The following PURG variants were observed in gnomAD, a reference collection of about 807,000 sequenced individuals.
PURG encodes purine-rich element-binding protein gamma.
PURG carries 3 observed loss-of-function variants against 24.3 expected under a neutral mutation model. The ratio of observed to expected loss-of-function variants is 0.12; its 90% CI spans 0.06 to 0.32. PURG has a LOEUF of 0.32. PURG is among the 10% of genes least tolerant of loss of function. The pLI is 1.00. For synonymous variants in PURG, 180 were observed against 173.1 expected (o/e 1.04, Z -0.31); for missense variants, 371 against 439.1 (o/e 0.84, Z 1.39).
downstream of PURG, among the ~76,000 whole-genome samples, chr8:31,027,187 C>T (rs1389730702): frequency 1.3e-5 from 2 of 151,602 alleles, no homozygotes; most frequent in African/African-American, 4.8e-5. Flanking sequence ...CCTTTTCAGG[C>T]CGTGATAAAT....
At chr8:31,026,657 T>TAC (rs930250525), downstream of PURG, among the ~76,000 whole-genome samples, 68 of 126,206 alleles carry the variant, frequency 5.4e-4, no homozygotes, top group East Asian at 7.1e-3. Flanking sequence ...TATATATATA[T>TAC]ATATACATAC....
chr8:31,018,687 A>G (rs1233442252), intron 1 of PURG, among the ~76,000 whole-genome samples: 1 of 152,180 alleles, frequency 6.6e-6, no homozygotes, highest in Non-Finnish European at 1.5e-5. Context: ...TTAGGAACTC[A>G]TTCAGTGTTC....
chr8:30,999,489 G>A (rs1325133398), intron 1 of PURG, among the ~76,000 whole-genome samples: 1 of 151,786 alleles, frequency 6.6e-6, no homozygotes, highest in East Asian at 1.9e-4. Context: ...AACATTTTGT[G>A]TAATTAGAAA....
chr8:31,030,399 C>A (rs1811170671), downstream of PURG, among the ~76,000 whole-genome samples: 1 of 151,900 alleles, frequency 6.6e-6, no homozygotes, highest in Non-Finnish European at 1.5e-5. Context: ...TAATTTCAGT[C>A]AATTAATACA....
In PURG at chr8:31,032,150, A is replaced by G; in HGVS notation, c.633T>C (p.Tyr211=). 1.2e-6 allele frequency: 2 copies of G among 1,614,216 alleles called. No homozygotes were observed. Among genetic ancestry groups the G allele is most frequent in the Non-Finnish European group, 1.7e-6 (2 of 1,180,032 alleles). Residue 211 remains tyrosine (Y), a synonymous_variant, in exon 2 of 2, where the codon TAT becomes TAC. Transcript: ENST00000523392. The surrounding 1 kb of genome is among the most constrained non-coding windows in gnomAD (Gnocchi z 5.9). ...TMMRGTGMIG[Y]FGHSLGQEQT... ...GTTCTTGGCCCAAACTGTGGCCAAAATAACCTATCATGCCAGTCCCCCGCA... is the reference window on the plus strand; with the variant it reads ...GTTCTTGGCCCAAACTGTGGCCAAAGTAACCTATCATGCCAGTCCCCCGCA...
intron 1 of PURG, among the ~76,000 whole-genome samples, chr8:30,999,908 T>G (rs1050477888): frequency 4.6e-5 from 7 of 152,054 alleles, no homozygotes; most frequent in African/African-American, 1.7e-4. Flanking sequence ...ATCGTGACGG[T>G]TTGTTTAGGC....
intron 1 of PURG, among the ~76,000 whole-genome samples, chr8:31,011,257 A>G (rs779905217): frequency 6.6e-6 from 1 of 152,218 alleles, no homozygotes; most frequent in Non-Finnish European, 1.5e-5. Flanking sequence ...TTCCTCATCT[A>G]ACTGCCCCAT....
At chr8:31,010,902 C>A (rs1810749221) in intron 1 of PURG, among the ~76,000 whole-genome samples, 1 of 152,086 alleles carries the variant, frequency 6.6e-6, no homozygotes, top group Admixed American at 6.6e-5. Context: ...TAATTAATGA[C>A]CAGTTATGGA....
At chr8:31,027,376 TAAG>T (rs1286531398), downstream of PURG, among the ~76,000 whole-genome samples, 1 of 151,494 alleles carries the variant, frequency 6.6e-6, no homozygotes, top group Non-Finnish European at 1.5e-5. Context: ...CATTTGGAGA[TAAG>T]AAGGAAAAAA....
chr8:31,008,459 A>C (rs2725375), intron 1 of PURG, among the ~76,000 whole-genome samples: 14,615 of 151,968 alleles, frequency 0.096, 1,916 homozygotes, highest in African/African-American at 0.3. Flanking sequence ...GCGTGCCACC[A>C]CGCCTGGTTA....
intron 1 of PURG, among the ~76,000 whole-genome samples, chr8:31,010,639 T>G (rs943728192): frequency 6.6e-6 from 1 of 152,212 alleles, no homozygotes; most frequent in Admixed American, 6.5e-5. Flanking sequence ...AGCAGTGGGC[T>G]TGTTAAAACC....
intron 1 of PURG, among the ~76,000 whole-genome samples, chr8:31,005,758 ATTTTTCT>A (rs1201105255): frequency 6.3e-5 from 8 of 127,362 alleles, no homozygotes; most frequent in Non-Finnish European, 1.3e-4. Flanking sequence ...ATTGCTTAGC[ATTTTTCT>A]TTTTTCTTTT....
At chr8:31,028,374 CAT>C (rs1258420288), downstream of PURG, among the ~76,000 whole-genome samples, 4 of 151,760 alleles carry the variant, frequency 2.6e-5, no homozygotes, top group Non-Finnish European at 5.9e-5. Context: ...ATTCTAGCTA[CAT>C]AGTTATTGAA....
At chr8:31,021,019 T>C (rs995110840) in intron 1 of PURG, among the ~76,000 whole-genome samples, 1 of 152,118 alleles carries the variant, frequency 6.6e-6, no homozygotes, top group East Asian at 1.9e-4. Flanking sequence ...TAGTGCCCTA[T>C]AGTAATGGGG....
At chr8:31,013,693 C>T (rs1275561317) in intron 1 of PURG, among the ~76,000 whole-genome samples, 19 of 152,128 alleles carry the variant, frequency 1.2e-4, no homozygotes, top group Non-Finnish European at 2.9e-5. Context: ...GCCGAGGTCG[C>T]GCCACTGCAC....
At position 31,032,601 on chromosome 8, in the gene PURG, G is replaced by A. The variant is rs1313007395; in HGVS notation, c.182C>T (p.Ala61Val). 1 of 1,608,984 alleles carries A rather than the reference G, an allele frequency of 6.2e-7. No homozygotes were observed. The highest frequency in any genetic ancestry group is 1.3e-5 in the African/African-American group (1 of 74,758). ...TTTCTGGATGTCCACTCGTTTGGAG[G>A]CCAGCTCCTGGATTTCGGCTGCGCC... is the stretch of plus-strand genomic sequence containing the variant. ...AGGAAEIQEL[A>V]SKRVDIQKKR... Residue 61 changes from alanine (A) to valine (V), a missense_variant, in exon 2 of 2, where the codon GCC (alanine) becomes GTC (valine). Physicochemically the swap from Ala to Val is moderately conservative, Grantham distance 64. This residue lies in a region of PURG where 213 missense variants were observed against 230.6 expected (regional missense o/e 0.92). Coordinates refer to ENST00000523392, the MANE Select transcript of PURG (RefSeq NM_001323311.2). The surrounding 1 kb of genome is among the most constrained non-coding windows in gnomAD (Gnocchi z 5.9).
chr8:31,032,366 G>C lies in PURG; in HGVS notation c.417C>G (p.Gly139=), dbSNP rs762707981. 12 of 1,613,454 alleles carry C rather than the reference G, an allele frequency of 7.4e-6. No homozygotes were observed. Among genetic ancestry groups the C allele is most frequent in the Non-Finnish European group, 1.0e-5 (12 of 1,180,022 alleles). The change falls in exon 2 of 2, where the codon GGC becomes GGG. Residue 139 remains glycine, a synonymous_variant. Transcript: ENST00000523392. This position sits in a 1 kb window ranked among gnomAD's most constrained non-coding sequence, Gnocchi z 5.9. ...LGLKGHRQEH[G]HSKEQGSRRR... is the part of the protein sequence containing the mutation. The stretch of plus-strand genomic sequence containing the variant: ...TTCTGGAGCCTTGCTCTTTGCTGTG[G>C]CCATGCTCTTGCCGGTGGCCTTTCA...
At chr8:31,016,058 C>T (rs1311265391) in intron 1 of PURG, among the ~76,000 whole-genome samples, 1 of 143,278 alleles carries the variant, frequency 7.0e-6, no homozygotes, top group Non-Finnish European at 1.6e-5. Flanking sequence ...GTCTCAAAAA[C>T]AAACAAACAA....
chr8:31,017,312 T>C (rs1810892805), intron 1 of PURG, among the ~76,000 whole-genome samples: 1 of 152,044 alleles, frequency 6.6e-6, no homozygotes, highest in South Asian at 2.1e-4. Context: ...TTGGGATCTC[T>C]TTTAAAAATT....
Sources: allele counts gnomAD v4.1 joint callset (sites outside exome capture counted in the v4.1 genomes callset), GRCh38; gene constraint gnomAD v4.1.1; regional missense constraint gnomAD v4.1.1; non-coding constraint Gnocchi (gnomAD v3.1); transcripts MANE v1.5; gene names NCBI Gene and HGNC (gene_info 2026-07-23, HGNC 2026-07-21).